The following RNF182 variants were observed in gnomAD, a reference collection of about 807,000 sequenced individuals.
The protein encoded by RNF182 is ring finger protein 182.
A neutral mutation model predicts 14.4 loss-of-function variants in RNF182; 15 were observed. That is an observed-to-expected ratio of 1.04 (90% CI 0.70 to 1.60). The LOEUF (loss-of-function observed/expected upper bound fraction) is 1.60, where lower values mean the gene tolerates loss of function less well. Among genes scored for constraint, RNF182 ranks in the 40% most tolerant of loss-of-function variants. The pLI is 0.00. For missense variants in RNF182, 268 were observed against 294.8 expected (o/e 0.91, Z 0.67); for synonymous variants, 128 against 122.9 (o/e 1.04, Z -0.27).
intron 1 of RNF182, among the ~76,000 whole-genome samples, chr6:13,930,950 C>CA (rs980662053): frequency 3.3e-5 from 5 of 152,158 alleles, no homozygotes; most frequent in African/African-American, 1.2e-4. Context: ...TACCAGCAGA[C>CA]AAAAAATGCC....
intron 1 of RNF182, among the ~76,000 whole-genome samples, chr6:13,954,513 A>G (rs1449821971): frequency 6.6e-6 from 1 of 152,250 alleles, no homozygotes; most frequent in Non-Finnish European, 1.5e-5. Flanking sequence ...ACAAAAATTC[A>G]TAAACTTTCT....
chr6:13,976,361 C>T (rs1430594382), intron 2 of RNF182, among the ~76,000 whole-genome samples: 1 of 152,178 alleles, frequency 6.6e-6, no homozygotes, highest in African/African-American at 2.4e-5. Flanking sequence ...TAACAGATTT[C>T]TTTACACTGA....
intron 1 of RNF182, among the ~76,000 whole-genome samples, chr6:13,940,605 AT>A (rs1313318413): frequency 6.6e-6 from 1 of 151,484 alleles, no homozygotes; most frequent in Admixed American, 6.6e-5. Context: ...TAATTTATTC[AT>A]TTCTGTTCAT....
At chr6:13,954,182 A>G (rs1285752194) in intron 1 of RNF182, among the ~76,000 whole-genome samples, 1 of 152,154 alleles carries the variant, frequency 6.6e-6, no homozygotes, top group African/African-American at 2.4e-5. Context: ...CAGATGTCAT[A>G]TTATTTCATC....
chr6:13,935,640 T>C (rs983077368), intron 1 of RNF182, among the ~76,000 whole-genome samples: 1 of 152,238 alleles, frequency 6.6e-6, no homozygotes, highest in Non-Finnish European at 1.5e-5. Flanking sequence ...ACATTAGTTA[T>C]AACCACAGGA....
intron 1 of RNF182, among the ~76,000 whole-genome samples, chr6:13,965,300 T>C (rs529075995): frequency 4.6e-5 from 7 of 151,846 alleles, no homozygotes; most frequent in Admixed American, 4.6e-4. Context: ...AACAAAAATA[T>C]AAAGGAATGG....
chr6:13,946,140 C>CATT (rs200937239), intron 1 of RNF182, among the ~76,000 whole-genome samples: 18,833 of 137,160 alleles, frequency 0.14, 1,315 homozygotes, highest in South Asian at 0.18. Context: ...TAAAGCAAAA[C>CATT]ATTATTATTA....
At chr6:13,947,052 G>A (rs1759455517) in intron 1 of RNF182, among the ~76,000 whole-genome samples, 1 of 49,974 alleles carries the variant, frequency 2.0e-5, no homozygotes, top group African/African-American at 4.0e-5. Flanking sequence ...CAGTAAAATT[G>A]TCTAAAATTA....
chr6:13,933,911 G>A (rs1390691059), intron 1 of RNF182, among the ~76,000 whole-genome samples: 1 of 152,070 alleles, frequency 6.6e-6, no homozygotes, highest in East Asian at 1.9e-4. Flanking sequence ...CCAGCTACTC[G>A]GGAAGCTGAG....
At chr6:13,927,319 TTG>T (rs1460988339) in intron 1 of RNF182, among the ~76,000 whole-genome samples, 1 of 152,180 alleles carries the variant, frequency 6.6e-6, no homozygotes, top group African/African-American at 2.4e-5. Flanking sequence ...CAAACAGCAA[TTG>T]TGTTTTCTGT....
rs1363158274 is a variant in RNF182, at chr6:13,979,900, C to T, written c.*2037C>T. 6.0e-6 allele frequency: 1 copy of T among 166,928 alleles called. No homozygotes were observed. Among genetic ancestry groups the T allele is most frequent in the African/African-American group, 2.4e-5 (1 of 41,408 alleles). The allele number at this position is 166,928 out of a possible 1,614,324, so 10.3% of individuals were successfully genotyped here. A position where few individuals can be genotyped will look rare whatever the true frequency, so the allele number is the denominator to read the frequency against. On this transcript the variant is annotated 3_prime_UTR_variant, in exon 3 of 3. Coordinates refer to ENST00000488300, the MANE Select transcript of RNF182 (RefSeq NM_152737.4). ...GCTTTAGAGAGCAATCTTTGTATGA[C>T]ACCAGAAAACTCTTCATGCTATTGA...
chr6:13,932,021 C>G (rs1240001772), intron 1 of RNF182, among the ~76,000 whole-genome samples: 1 of 152,276 alleles, frequency 6.6e-6, no homozygotes, highest in East Asian at 1.9e-4. Flanking sequence ...TGACCAGATA[C>G]CTAATCTGCC....
At chr6:13,960,429 G>T (rs1367580250) in intron 1 of RNF182, among the ~76,000 whole-genome samples, 3 of 152,086 alleles carry the variant, frequency 2.0e-5, no homozygotes, top group Non-Finnish European at 4.4e-5. Context: ...ATCACTTGAG[G>T]CCAGGAATTT....
At chr6:13,963,745 A>G (rs938710978) in intron 1 of RNF182, among the ~76,000 whole-genome samples, 1 of 152,210 alleles carries the variant, frequency 6.6e-6, no homozygotes, top group African/African-American at 2.4e-5. Context: ...TCACACTCTT[A>G]ATGTTGGTCA....
At chr6:13,936,067 G>A (rs1759100899) in intron 1 of RNF182, among the ~76,000 whole-genome samples, 1 of 152,180 alleles carries the variant, frequency 6.6e-6, no homozygotes, top group African/African-American at 2.4e-5. Context: ...AGATGGGAGA[G>A]GTGGCACACA....
chr6:13,938,892 G>C (rs1034466384), intron 1 of RNF182, among the ~76,000 whole-genome samples: 13 of 152,122 alleles, frequency 8.5e-5, no homozygotes, highest in Non-Finnish European at 1.9e-4. Flanking sequence ...AGACCAGCCT[G>C]GCCAACATGG....
Position 13,977,756 on chromosome 6 carries a change from G to T in RNF182, c.637G>T (p.Val213Phe), listed in dbSNP as rs1024190280. 2 of 1,614,060 alleles carry T rather than the reference G, an allele frequency of 1.2e-6. No individual in the cohort carries two copies. Among genetic ancestry groups the T allele is most frequent in the Non-Finnish European group, 1.7e-6 (2 of 1,180,002 alleles). Residue 213 changes from valine to phenylalanine, a missense_variant, in exon 3 of 3, where the codon GTC (valine) becomes TTC (phenylalanine). Coordinates refer to ENST00000488300, the MANE Select transcript of RNF182 (RefSeq NM_152737.4). ...GGTGTCTAAGAAAGTCACCCTTGGG[G>T]TCGTCTTTGTCAGCCTGGTCCCTTC... The part of the protein sequence containing the change: ...LLVSKKVTLG[V>F]VFVSLVPSSL...
Position 13,977,482 on chromosome 6 carries a change from T to G in RNF182, c.363T>G (p.Pro121=), listed in dbSNP as rs759133578. The change falls in exon 3 of 3, where the codon CCT becomes CCG. Residue 121 remains proline (P), a synonymous_variant. Coordinates refer to ENST00000488300, the MANE Select transcript of RNF182 (RefSeq NM_152737.4). ...AGAGGCTGGCCTCTCTGGTCAGTCC[T>G]TCTCACACGTCCTCCAACTGCCTGG... The part of the protein sequence containing the change: ...TPKRLASLVS[P]SHTSSNCLVI... The G allele has an allele frequency of 6.8e-6, 11 of 1,614,070 alleles. No homozygotes were observed. Among genetic ancestry groups the G allele is most frequent in the Non-Finnish European group, 8.5e-6 (10 of 1,180,036 alleles).
Position 13,977,872 on chromosome 6 carries a change from C to G in RNF182, c.*9C>G. ...TGGCACCTCCTTCTTAACTGATATGCAAAATAAGAAATTGGACACACATTG... is the reference window on the plus strand; with the variant it reads ...TGGCACCTCCTTCTTAACTGATATGGAAAATAAGAAATTGGACACACATTG... On this transcript the variant is annotated 3_prime_UTR_variant, in exon 3 of 3. Transcript: ENST00000488300. The G allele has an allele frequency of 6.3e-7, 1 of 1,595,806 alleles. No homozygotes were observed. Among genetic ancestry groups the G allele is most frequent in the East Asian group, 2.2e-5 (1 of 44,650 alleles).
Sources: gnomAD v4.1 joint callset for allele counts (sites outside exome capture counted in the v4.1 genomes callset) on GRCh38, gnomAD v4.1.1 for gene constraint, MANE v1.5 for transcripts, NCBI Gene and HGNC (gene_info 2026-07-23, HGNC 2026-07-21) for gene names.